FTO: variants seen among roughly 807,000 people sequenced by gnomAD.
FTO encodes the protein alpha-ketoglutarate-dependent dioxygenase FTO.
Under a neutral mutation model 63.9 loss-of-function variants are expected in FTO, and 47 were observed. That is an observed-to-expected ratio of 0.74 (90% CI 0.58 to 0.94). The LOEUF is 0.94. Ranked by LOEUF, FTO falls within the 40% of genes least tolerant of loss-of-function variation. The probability of loss-of-function intolerance (pLI) is 0.00; values close to 1 mark genes in which losing one functional copy is unlikely to be tolerated. For synonymous variants in FTO, 207 were observed against 224.4 expected, an observed-to-expected ratio of 0.92 and a Z score of 0.69; for missense variants, 562 against 618.1, an observed-to-expected ratio of 0.91 and a Z score of 0.96.
chr16:53,721,697 A>G (rs1381717517), intron 1 of FTO, among the ~76,000 whole-genome samples: 35 of 152,178 alleles, frequency 2.3e-4, no homozygotes, highest in Non-Finnish European at 2.9e-5. Flanking sequence ...GCTAACCACT[A>G]TCCAAATGCA....
At chr16:53,748,556 G>A (rs553780757) in intron 1 of FTO, among the ~76,000 whole-genome samples, 2 of 152,200 alleles carry the variant, frequency 1.3e-5, no homozygotes, top group South Asian at 4.1e-4. Flanking sequence ...CTAGGTTCAA[G>A]CAATTCTCGT....
At chr16:54,044,162 C>T (rs1599263304) in intron 8 of FTO, among the ~76,000 whole-genome samples, 1 of 73,520 alleles carries the variant, frequency 1.4e-5, no homozygotes, top group African/African-American at 1.3e-4. Flanking sequence ...CACAGACTGG[C>T]AAGTTGGATA....
At position 53,928,129 on chromosome 16, in the gene FTO, A is replaced by G. The variant is rs1431212867; in HGVS notation, c.1240-5856A>G. ...GCTAGGAGGTGACAGCGGGGATTTG[A>G]GCAGCCAGCACTCTAAAGAATATAT... On this transcript the variant is annotated intron_variant, in intron 7 of 8. Coordinates refer to ENST00000471389, the MANE Select transcript of FTO (RefSeq NM_001080432.3). 2.0e-5 allele frequency among the ~76,000 whole-genome samples: 3 copies of G among 152,206 alleles called. No individual in the cohort carries two copies. The East Asian group carries it at 5.8e-4, about 29-fold the overall frequency.
intron 1 of FTO, among the ~76,000 whole-genome samples, chr16:53,781,018 G>C (rs1189573166): frequency 6.6e-6 from 1 of 152,068 alleles, no homozygotes; most frequent in African/African-American, 2.4e-5. Flanking sequence ...TCTTCTACCA[G>C]GAATATAAGC....
intron 3 of FTO, among the ~76,000 whole-genome samples, chr16:53,827,510 TTTG>T (rs2079038371): frequency 1.3e-5 from 2 of 152,334 alleles, no homozygotes; most frequent in African/African-American, 4.8e-5. Flanking sequence ...TGGATTTTTG[TTTG>T]TTGTTGTTAT....
At chr16:53,719,253 CT>C (rs10527186) in intron 1 of FTO, among the ~76,000 whole-genome samples, 13,620 of 129,252 alleles carry the variant, frequency 0.11, 267 homozygotes, top group East Asian at 0.19. Flanking sequence ...TCTTCTTCTT[CT>C]TTTTTTTTTT....
intron 8 of FTO, among the ~76,000 whole-genome samples, chr16:54,049,335 T>C (rs76683613): frequency 0.043 from 6,475 of 152,274 alleles, 193 homozygotes; most frequent in South Asian, 0.15. Context: ...ACAGAGACCC[T>C]GGAAGACCTT....
At chr16:53,915,663 G>GA (rs2081846286) in intron 7 of FTO, among the ~76,000 whole-genome samples, 1 of 152,178 alleles carries the variant, frequency 6.6e-6, no homozygotes, top group Admixed American at 6.5e-5. Context: ...CAGGAGGGAG[G>GA]AGGAGGTTCA....
chr16:53,933,215 G>A (rs28409979), intron 7 of FTO, among the ~76,000 whole-genome samples: 5,983 of 152,132 alleles, frequency 0.039, 413 homozygotes, highest in African/African-American at 0.14. Flanking sequence ...ATATATTGGC[G>A]TCTGTTAGAT....
At chr16:53,968,101 A>G (rs923948080) in intron 8 of FTO, among the ~76,000 whole-genome samples, 3 of 152,212 alleles carry the variant, frequency 2.0e-5, no homozygotes, top group South Asian at 2.1e-4. Context: ...TCTATCAGTG[A>G]TATACATATA....
intron 8 of FTO, among the ~76,000 whole-genome samples, chr16:53,946,875 A>G (rs1156421666): frequency 2.0e-5 from 3 of 152,226 alleles, no homozygotes; most frequent in Non-Finnish European, 4.4e-5. Flanking sequence ...CAGCCTGCAC[A>G]GTAATGATAT....
intron 1 of FTO, among the ~76,000 whole-genome samples, chr16:53,771,244 A>T (rs1381648151): frequency 6.6e-6 from 1 of 152,198 alleles, no homozygotes; most frequent in East Asian, 1.9e-4. Context: ...CCATCTCAGT[A>T]CAGGACATCT....
chr16:53,835,774 A>C lies in FTO; in HGVS notation c.752-8381A>C, dbSNP rs1037986406. 5.9e-5 allele frequency among the ~76,000 whole-genome samples: 9 copies of C among 152,050 alleles called. No homozygotes were observed. In the East Asian group the frequency reaches 1.5e-3, roughly 26 times the overall value. ...CATCTCTTTGGAATCCATATGATTT[A>C]GTTAACCTTCTGGACTCTTCCTCTA... On this transcript the variant is annotated intron_variant, in intron 3 of 8. Coordinates refer to ENST00000471389, the MANE Select transcript of FTO (RefSeq NM_001080432.3).
At chr16:54,108,341 A>G (rs1389242645) in intron 8 of FTO, among the ~76,000 whole-genome samples, 2 of 152,208 alleles carry the variant, frequency 1.3e-5, no homozygotes, top group Admixed American at 6.5e-5. Flanking sequence ...GTCTTCAGGA[A>G]TAACTGCTGA....
chr16:54,075,257 TG>T (rs2085964980), intron 8 of FTO, among the ~76,000 whole-genome samples: 1 of 152,190 alleles, frequency 6.6e-6, no homozygotes, highest in South Asian at 2.1e-4. Flanking sequence ...AAGTTATACT[TG>T]GAATATCTGT....
intron 2 of FTO, among the ~76,000 whole-genome samples, chr16:53,813,783 C>T (rs971536927): frequency 7.9e-5 from 12 of 152,152 alleles, no homozygotes; most frequent in Non-Finnish European, 1.8e-4. Context: ...TATGCATGCT[C>T]TCACATGCAA....
intron 1 of FTO, among the ~76,000 whole-genome samples, chr16:53,803,692 A>G (rs1223857541): frequency 1.3e-5 from 2 of 152,182 alleles, no homozygotes; most frequent in African/African-American, 2.4e-5. Flanking sequence ...TGATTCTTTC[A>G]TAAGCAGCAG....
intron 8 of FTO, among the ~76,000 whole-genome samples, chr16:53,968,360 A>G (rs1335648131): frequency 6.6e-6 from 1 of 152,208 alleles, no homozygotes; most frequent in Middle Eastern, 3.2e-3. Context: ...CCTCAGTCCT[A>G]AGTTCCTTCA....
intron 8 of FTO, among the ~76,000 whole-genome samples, chr16:54,019,253 G>A (rs78780963): frequency 0.042 from 6,447 of 152,218 alleles, 191 homozygotes; most frequent in South Asian, 0.14. Context: ...CACCATTATC[G>A]ACTGATTAAC....
Sources: allele counts gnomAD v4.1 joint callset (sites outside exome capture counted in the v4.1 genomes callset), GRCh38; gene constraint gnomAD v4.1.1; transcripts MANE v1.5; gene names NCBI Gene and HGNC (gene_info 2026-07-23, HGNC 2026-07-21).